DCPH1: variants seen among roughly 807,000 people sequenced by gnomAD.
DCPH1 encodes damage-control phosphatase 1.
the DCPH1 span, chr6:151,452,739 G>T: frequency 2.1e-5 from 15 of 730,834 alleles, no homozygotes; most frequent in Non-Finnish European, 3.2e-5. Flanking sequence ...CGGGTTTCGC[G>T]GACTGGCTCG....
the DCPH1 span, among the ~76,000 whole-genome samples, chr6:151,461,587 C>T: frequency 1.3e-5 from 2 of 152,204 alleles, no homozygotes; most frequent in African/African-American, 4.8e-5. Context: ...AGGAGAATCA[C>T]TTGAACCCAG....
At chr6:151,464,372 A>T in the DCPH1 span, 8 of 905,178 alleles carry the variant, frequency 8.8e-6, no homozygotes, top group Non-Finnish European at 1.2e-5. Flanking sequence ...TTGAGACTGT[A>T]TGGTGCTATT....
chr6:151,455,929 T>C, the DCPH1 span, among the ~76,000 whole-genome samples: 2 of 152,154 alleles, frequency 1.3e-5, no homozygotes, highest in African/African-American at 4.8e-5. Context: ...GATTAGGGAG[T>C]GGTGATGACT....
chr6:151,458,448 CAG>C, the DCPH1 span: 15 of 1,613,398 alleles, frequency 9.3e-6, no homozygotes, highest in Non-Finnish European at 1.2e-5. Flanking sequence ...TATATGGAAT[CAG>C]TACCTAGAAT....
chr6:151,463,001 A>G, the DCPH1 span, among the ~76,000 whole-genome samples: 1 of 152,218 alleles, frequency 6.6e-6, no homozygotes, highest in African/African-American at 2.4e-5. Context: ...ACCTTAAATA[A>G]TATGTAAGAA....
the DCPH1 span, chr6:151,464,685 A>T: frequency 1.0e-6 from 1 of 997,892 alleles, no homozygotes; most frequent in Admixed American, 3.3e-5. Flanking sequence ...TATACAGTTA[A>T]CAAAACATGT....
the DCPH1 span, among the ~76,000 whole-genome samples, chr6:151,455,576 G>A: frequency 3.7e-4 from 57 of 152,328 alleles, 1 homozygote; most frequent in African/African-American, 1.2e-3. Flanking sequence ...ATTGCTGCCC[G>A]CATGTCCCAC....
At chr6:151,452,896 T>A in the DCPH1 span, 1 of 299,792 alleles carries the variant, frequency 3.3e-6, no homozygotes, top group Admixed American at 5.2e-5. Flanking sequence ...GCGTTAAAAT[T>A]CTGCGTAAGA....
At chr6:151,468,642 A>G in the DCPH1 span, 1 of 1,614,006 alleles carries the variant, frequency 6.2e-7, no homozygotes, top group Non-Finnish European at 8.5e-7. Context: ...AAACAATTCC[A>G]TGGTTTGTTT....
the DCPH1 span, among the ~76,000 whole-genome samples, chr6:151,455,467 C>A: frequency 6.6e-6 from 1 of 152,162 alleles, no homozygotes; most frequent in African/African-American, 2.4e-5. Flanking sequence ...CAGACAAACA[C>A]GTGAACAAAG....
chr6:151,460,324 A>G, the DCPH1 span, among the ~76,000 whole-genome samples: 1 of 151,648 alleles, frequency 6.6e-6, no homozygotes, highest in African/African-American at 2.4e-5. Flanking sequence ...CCTGACCTCG[A>G]ACTCCTGACC....
the DCPH1 span, chr6:151,454,609 A>G: frequency 6.3e-7 from 1 of 1,582,306 alleles, no homozygotes; most frequent in Non-Finnish European, 8.6e-7. Flanking sequence ...GGTTATTGAT[A>G]CATTGCATCG....
the DCPH1 span, chr6:151,464,491 A>G: frequency 6.2e-7 from 1 of 1,609,984 alleles, no homozygotes; most frequent in Non-Finnish European, 8.5e-7. Context: ...AAAGAATCAA[A>G]AGAGCAAAAT....
the DCPH1 span, chr6:151,464,385 C>A: frequency 9.0e-7 from 1 of 1,114,104 alleles, no homozygotes. Context: ...GTGCTATTTT[C>A]TTTCAAGAAC....
chr6:151,468,486 C>T, the DCPH1 span: 5 of 1,613,618 alleles, frequency 3.1e-6, no homozygotes, highest in Non-Finnish European at 4.2e-6. Context: ...CATTGCTTAG[C>T]AATTGCAAGA....
At chr6:151,455,759 A>ACGGGTGT in the DCPH1 span, among the ~76,000 whole-genome samples, 1 of 152,066 alleles carries the variant, frequency 6.6e-6, no homozygotes, top group Non-Finnish European at 1.5e-5. Context: ...CAGACCCTTT[A>ACGGGTGT]CGGGTGTCGG....
the DCPH1 span, among the ~76,000 whole-genome samples, chr6:151,465,114 C>T: frequency 1.3e-5 from 2 of 152,200 alleles, no homozygotes; most frequent in Non-Finnish European, 2.9e-5. Flanking sequence ...GCCTGGGATA[C>T]AGCCTGCTGT....
chr6:151,459,722 C>T, the DCPH1 span, among the ~76,000 whole-genome samples: 7 of 152,104 alleles, frequency 4.6e-5, no homozygotes, highest in East Asian at 1.9e-4. Flanking sequence ...ACCTGGGAGG[C>T]GGAGGTTCCA....
At chr6:151,454,704 TAATA>T in the DCPH1 span, 115 of 873,010 alleles carry the variant, frequency 1.3e-4, no homozygotes, top group Admixed American at 2.8e-4. Context: ...AACAGAAACA[TAATA>T]AATAGTTCTT....
Sources: gnomAD v4.1 joint callset for allele counts (sites outside exome capture counted in the v4.1 genomes callset) on GRCh38, gnomAD v4.1.1 for gene constraint, MANE v1.5 for transcripts, NCBI Gene and HGNC (gene_info 2026-07-23, HGNC 2026-07-21) for gene names.